ABCA13: variants seen among roughly 807,000 people sequenced by gnomAD.
ABCA13 encodes the protein ATP-binding cassette sub-family A member 13.
A neutral mutation model predicts 478.7 loss-of-function variants in ABCA13; 476 were observed. That is an observed-to-expected ratio of 0.99 (90% confidence interval 0.92 to 1.07). The LOEUF (loss-of-function observed/expected upper bound fraction) is 1.07. Among genes scored for constraint, ABCA13 ranks in the 50% least tolerant of loss-of-function variants. ABCA13 has a pLI of 0.00. For synonymous variants in ABCA13, 2,252 were observed against 2,158.9 expected (o/e 1.04, Z -1.20); for missense variants, 6,060 against 5,910.6 (o/e 1.03, Z -0.83).
chr7:48,509,257 T>C (rs1299747264), intron 50 of ABCA13, among the ~76,000 whole-genome samples: 2 of 152,180 alleles, frequency 1.3e-5, no homozygotes, highest in Non-Finnish European at 2.9e-5. Context: ...AGATTTTACA[T>C]CTAGTTGGTA....
intron 58 of ABCA13, among the ~76,000 whole-genome samples, chr7:48,611,721 A>C (rs1273989193): frequency 6.6e-6 from 1 of 152,180 alleles, no homozygotes; most frequent in Middle Eastern, 3.2e-3. Flanking sequence ...CCCCTCCTCC[A>C]ACACAGGTGA....
intron 47 of ABCA13, among the ~76,000 whole-genome samples, chr7:48,483,802 G>A (rs115940002): frequency 0.017 from 2,664 of 152,264 alleles, 84 homozygotes; most frequent in African/African-American, 0.06. Context: ...CCTTAAAATG[G>A]GGAAAGCAGA....
chr7:48,371,714 T>G (rs190726736), intron 32 of ABCA13, among the ~76,000 whole-genome samples: 1 of 152,306 alleles, frequency 6.6e-6, no homozygotes, highest in Non-Finnish European at 1.5e-5. Flanking sequence ...TTTCTAGATA[T>G]AGGATCATGT....
At chr7:48,264,362 G>A (rs927570162) in intron 15 of ABCA13, among the ~76,000 whole-genome samples, 1 of 151,820 alleles carries the variant, frequency 6.6e-6, no homozygotes, top group Non-Finnish European at 1.5e-5. Flanking sequence ...TTCACAAACT[G>A]TTTTTTAAAG....
chr7:48,183,941 A>G lies in ABCA13; in HGVS notation c.70-9018A>G, dbSNP rs1158385034. Among the ~76,000 whole-genome samples, 7 of 152,342 alleles carry G rather than the reference A, an allele frequency of 4.6e-5. No homozygotes were observed. The East Asian group carries it at 1.3e-3, about 29-fold the overall frequency. On this transcript the variant is annotated intron_variant, in intron 1 of 61. Transcript: ENST00000435803. ...ACAACTGTGTATTTGGTTAAATTAT[A>G]TAGTATTCTTAAGGTTGAAACCAGT...
intron 55 of ABCA13, among the ~76,000 whole-genome samples, chr7:48,576,988 C>T (rs905104927): frequency 2.6e-5 from 4 of 151,882 alleles, no homozygotes; most frequent in East Asian, 1.9e-4. Context: ...GTAACACACA[C>T]GTTAAAGGAA....
At chr7:48,343,356 G>A (rs1471085176) in intron 29 of ABCA13, among the ~76,000 whole-genome samples, 2 of 152,052 alleles carry the variant, frequency 1.3e-5, no homozygotes, top group South Asian at 2.1e-4. Flanking sequence ...CCAGTTTCCT[G>A]TACTCCTGGA....
At chr7:48,411,245 TTC>T (rs953703188) in intron 40 of ABCA13, among the ~76,000 whole-genome samples, 2 of 142,836 alleles carry the variant, frequency 1.4e-5, no homozygotes, top group Non-Finnish European at 3.1e-5. Context: ...TTCTTTCTCT[TTC>T]TGTTTCTCTT....
Position 48,392,088 on chromosome 7 carries a change from C to G in ABCA13, c.11822C>G (p.Ser3941Cys). ...CGGGAACATTTGCTGCTCTTTGCTT[C>G]CATAAAGGCGCCTCAGTGGACCAAG... ...TVREHLLLFA[S>C]IKAPQWTKKE... Residue 3941 changes from serine (S) to cysteine (C), a missense_variant, in exon 38 of 62, where the codon TCC (serine) becomes TGC (cysteine). Ser to Cys is a moderately radical substitution (Grantham distance 112). Coordinates refer to ENST00000435803, the MANE Select transcript of ABCA13 (RefSeq NM_152701.5). 6.2e-7 allele frequency: 1 copy of G among 1,613,962 alleles called. No individual in the cohort carries two copies. Among genetic ancestry groups the G allele is most frequent in the Non-Finnish European group, 8.5e-7 (1 of 1,179,862 alleles).
intron 34 of ABCA13, 112 bp from the exon 35 acceptor site, chr7:48,376,329 T>C (rs780427273): frequency 9.0e-6 from 12 of 1,336,478 alleles, no homozygotes; most frequent in Non-Finnish European, 1.2e-5. Context: ...TTCTTTTTGT[T>C]TTAGTTCTGT....
intron 47 of ABCA13, among the ~76,000 whole-genome samples, chr7:48,484,442 A>T (rs1829089041): frequency 6.6e-6 from 1 of 152,376 alleles, no homozygotes; most frequent in South Asian, 2.1e-4. Context: ...ATTGGAATAC[A>T]TTATGTGGCC....
intron 53 of ABCA13, 40 bp downstream of exon 53, chr7:48,520,334 C>G (rs758404473): frequency 1.3e-6 from 2 of 1,536,534 alleles, no homozygotes; most frequent in South Asian, 1.3e-5. Context: ...GCACTTACTC[C>G]TGCAAAATGA....
intron 55 of ABCA13, among the ~76,000 whole-genome samples, chr7:48,553,533 G>GT (rs1785513762): frequency 1.3e-5 from 2 of 151,978 alleles, no homozygotes; most frequent in Admixed American, 6.6e-5. Context: ...TCTTTTTGTA[G>GT]TTTTGGTTTG....
intron 38 of ABCA13, among the ~76,000 whole-genome samples, chr7:48,402,231 A>C (rs1472846964): frequency 3.3e-5 from 5 of 152,222 alleles, no homozygotes; most frequent in Non-Finnish European, 5.9e-5. Context: ...GGTTGAACAC[A>C]GAAAGGTAAC....
At position 48,192,957 on chromosome 7, in the gene ABCA13, A is replaced by G; in HGVS notation, c.70-2A>G. 6.7e-7 allele frequency: 1 copy of G among 1,485,752 alleles called. No homozygotes were observed. The highest frequency in any genetic ancestry group is 8.9e-7 in the Non-Finnish European group (1 of 1,123,312). The allele number at this position is 1,485,752 out of a possible 1,614,324, so 92.0% of individuals were successfully genotyped here. ...GATTTTTTTTTTTTTTTAATTTTCT[A>G]GGTCCTTTTCCTTGCTGAATTCTTC... On this transcript the variant is annotated splice_acceptor_variant, in intron 1 of 61. Coordinates refer to ENST00000435803, the MANE Select transcript of ABCA13 (RefSeq NM_152701.5). LOFTEE classifies it high-confidence loss of function.
rs1563073872 is a variant in ABCA13, at chr7:48,335,542, G to T, written c.10113+7G>T. 4 of 1,611,812 alleles carry T rather than the reference G, an allele frequency of 2.5e-6. No individual in the cohort carries two copies. Among genetic ancestry groups the T allele is most frequent in the Non-Finnish European group, 3.4e-6 (4 of 1,178,266 alleles). ...GATGTTCAACCAGCTGCAGGTGAGT[G>T]GTTGGTCTTTGCCACCGAGGGATGG... On this transcript the variant is annotated splice_region_variant and intron_variant, in intron 28 of 61. Transcript: ENST00000435803.
chr7:48,291,190 G>C (rs1798483900), intron 20 of ABCA13, among the ~76,000 whole-genome samples: 1 of 152,150 alleles, frequency 6.6e-6, no homozygotes, highest in South Asian at 2.1e-4. Flanking sequence ...GGCAGTGGGT[G>C]GGTGAAGGCT....
chr7:48,519,540 T>C (rs1051970704), intron 52 of ABCA13, among the ~76,000 whole-genome samples: 1 of 152,232 alleles, frequency 6.6e-6, no homozygotes, highest in Non-Finnish European at 1.5e-5. Flanking sequence ...CTGGAACATC[T>C]GTCTTTCCCA....
chr7:48,184,391 C>T (rs1355262994), intron 1 of ABCA13, among the ~76,000 whole-genome samples: 1 of 152,066 alleles, frequency 6.6e-6, no homozygotes, highest in Non-Finnish European at 1.5e-5. Context: ...CTTCAAATGG[C>T]TTTTCTGAAG....
Sources: allele counts gnomAD v4.1 joint callset (sites outside exome capture counted in the v4.1 genomes callset), GRCh38; gene constraint gnomAD v4.1.1; transcripts MANE v1.5; gene names NCBI Gene and HGNC (gene_info 2026-07-23, HGNC 2026-07-21).